The following YEATS2 variants were observed in gnomAD, a reference collection of about 807,000 sequenced individuals.
YEATS2 encodes YEATS domain containing 2.
YEATS2 carries 77 observed loss-of-function variants against 163.2 expected under a neutral mutation model. The ratio of observed to expected loss-of-function variants is 0.47; its 90% CI spans 0.39 to 0.57. YEATS2 has a LOEUF of 0.57. YEATS2 is among the 20% of genes least tolerant of loss of function. The pLI, the probability that YEATS2 is intolerant of heterozygous loss-of-function variation, is 0.00. For missense variants in YEATS2, 1,549 were observed against 1,729.8 expected, an observed-to-expected ratio of 0.90 and a Z score of 1.85; for synonymous variants, 631 against 645.1, an observed-to-expected ratio of 0.98 and a Z score of 0.33.
intron 8 of YEATS2, among the ~76,000 whole-genome samples, chr3:183,737,512 A>C (rs1718468744): frequency 6.6e-6 from 1 of 152,224 alleles, no homozygotes; most frequent in South Asian, 2.1e-4. Flanking sequence ...GAACACATGA[A>C]TCTTTGATCA....
At chr3:183,724,566 A>G in intron 6 of YEATS2, 35 bp downstream of exon 6, 1 of 1,494,792 alleles carries the variant, frequency 6.7e-7, no homozygotes, top group Non-Finnish European at 9.2e-7. Context: ...TTATTTGTCC[A>G]TTTGTGTTAA....
chr3:183,772,207 G>A, intron 15 of YEATS2, 98 bp from the exon 16 acceptor site: 3 of 1,528,450 alleles, frequency 2.0e-6, no homozygotes, highest in Non-Finnish European at 2.7e-6. Context: ...TAGGCTGCAT[G>A]TATTATGTGC....
intron 29 of YEATS2, 32 bp from the exon 30 acceptor site, chr3:183,809,065 C>G (rs1560344865): frequency 9.9e-6 from 16 of 1,611,578 alleles, no homozygotes; most frequent in Non-Finnish European, 1.3e-5. Context: ...AGCAGATGGC[C>G]ATTTGAAGAA....
At chr3:183,803,890 A>G in intron 26 of YEATS2, 97 bp from the exon 27 acceptor site, 1 of 1,296,358 alleles carries the variant, frequency 7.7e-7, no homozygotes, top group Non-Finnish European at 1.1e-6. Context: ...AAATTCTAAC[A>G]GGTTAGGTTA....
At chr3:183,724,073 G>A (rs1404981423) in intron 5 of YEATS2, among the ~76,000 whole-genome samples, 1 of 152,154 alleles carries the variant, frequency 6.6e-6, no homozygotes, top group African/African-American at 2.4e-5. Flanking sequence ...AGGTTAAAAA[G>A]AGGGTAAATT....
In YEATS2 at chr3:183,777,647, G is replaced by T; in HGVS notation, c.2683G>T (p.Gly895Ter). Reference sequence around the variant, plus strand: ...GGGAGTCAGCACATCTTCTGCACAAGGACAACAAACGCTAAAAGTCATCTC... The same window carrying T: ...GGGAGTCAGCACATCTTCTGCACAATGACAACAAACGCTAAAAGTCATCTC... The part of the protein sequence containing the change: ...TLGVSTSSAQ[G>*]QQTLKVISGQ... The change falls in exon 19 of 31, where the codon GGA (glycine) becomes TGA (stop). Residue 895 changes from glycine (G) to a stop codon, truncating the protein, a stop_gained. Coordinates refer to ENST00000305135, the MANE Select transcript of YEATS2 (RefSeq NM_018023.5). LOFTEE classifies it high-confidence loss of function. The T allele has an allele frequency of 6.2e-7, 1 of 1,614,042 alleles. No homozygotes were observed. The highest frequency in any genetic ancestry group is 8.5e-7 in the Non-Finnish European group (1 of 1,180,002).
At chr3:183,749,653 T>C (rs1415959046) in intron 9 of YEATS2, among the ~76,000 whole-genome samples, 2 of 152,176 alleles carry the variant, frequency 1.3e-5, no homozygotes, top group African/African-American at 4.8e-5. Flanking sequence ...TATTTATTTA[T>C]TTTTGAGAAA....
intron 6 of YEATS2, among the ~76,000 whole-genome samples, chr3:183,727,614 G>T (rs1717252864): frequency 6.6e-6 from 1 of 152,208 alleles, no homozygotes; most frequent in Admixed American, 6.5e-5. Flanking sequence ...ACTAGGCATA[G>T]ATGAGCATAT....
intron 6 of YEATS2, among the ~76,000 whole-genome samples, chr3:183,725,788 C>T (rs1375407265): frequency 2.0e-5 from 3 of 152,190 alleles, no homozygotes; most frequent in African/African-American, 4.8e-5. Flanking sequence ...GTGATTGGCA[C>T]GTCCAAAGCT....
At chr3:183,748,574 T>C (rs1236492070) in intron 9 of YEATS2, among the ~76,000 whole-genome samples, 1 of 151,964 alleles carries the variant, frequency 6.6e-6, no homozygotes, top group Non-Finnish European at 1.5e-5. Context: ...CCAGGCTTTC[T>C]CCTTTTCTCT....
intron 8 of YEATS2, among the ~76,000 whole-genome samples, chr3:183,737,845 A>G (rs989436713): frequency 6.6e-6 from 1 of 152,112 alleles, no homozygotes; most frequent in Non-Finnish European, 1.5e-5. Context: ...CACTTTGCTT[A>G]TTGCTCTCAG....
intron 1 of YEATS2, among the ~76,000 whole-genome samples, chr3:183,699,593 A>C (rs1270090645): frequency 6.6e-6 from 1 of 152,010 alleles, no homozygotes; most frequent in African/African-American, 2.4e-5. Flanking sequence ...GATGATATTC[A>C]AAGGTATGGT....
chr3:183,719,206 A>T (rs1258986648), intron 4 of YEATS2, among the ~76,000 whole-genome samples: 1 of 144,608 alleles, frequency 6.9e-6, no homozygotes, highest in Non-Finnish European at 1.5e-5. Flanking sequence ...CTTGTTGCCC[A>T]GGCTAGAGTG....
At chr3:183,702,813 G>A (rs1237582512) in intron 1 of YEATS2, among the ~76,000 whole-genome samples, 7 of 149,476 alleles carry the variant, frequency 4.7e-5, no homozygotes, top group African/African-American at 1.7e-4. Context: ...CATCCTGGGC[G>A]ACAGCAAGAC....
rs879043980 is a variant in YEATS2, at chr3:183,790,991, T to C, written c.3097+11T>C. 5 of 1,608,522 alleles carry C rather than the reference T, an allele frequency of 3.1e-6. No homozygotes were observed. The Admixed American group carries it at 5.1e-5, about 16-fold the overall frequency. ...AAGCCACAGTATCCGGTGAGTTGCATTGTGATATTATTTCTCTCTCTTTTC... is the reference window on the plus strand; with the variant it reads ...AAGCCACAGTATCCGGTGAGTTGCACTGTGATATTATTTCTCTCTCTTTTC... On this transcript the variant is annotated intron_variant, in intron 21 of 30. Coordinates refer to ENST00000305135, the MANE Select transcript of YEATS2 (RefSeq NM_018023.5).
At chr3:183,772,106 A>G (rs1722537211) in intron 15 of YEATS2, among the ~76,000 whole-genome samples, 199 bp from the exon 16 acceptor site, 1 of 152,128 alleles carries the variant, frequency 6.6e-6, no homozygotes. Context: ...GCAAGACAAC[A>G]ATTGTTAAGC....
At chr3:183,777,822 G>A (rs1188724651) in intron 19 of YEATS2, 122 bp downstream of exon 19, 6 of 1,324,346 alleles carry the variant, frequency 4.5e-6, no homozygotes, top group African/African-American at 1.5e-5. Flanking sequence ...GAACAATAAG[G>A]CCAGGAGTGG....
chr3:183,759,732 C>G (rs1027302783), intron 13 of YEATS2, among the ~76,000 whole-genome samples: 15 of 152,204 alleles, frequency 9.9e-5, no homozygotes. Context: ...ACTTAGCGAG[C>G]CCTCAGCTTA....
At chr3:183,771,973 T>A (rs1181487538) in intron 15 of YEATS2, among the ~76,000 whole-genome samples, 1 of 152,064 alleles carries the variant, frequency 6.6e-6, no homozygotes, top group African/African-American at 2.4e-5. Flanking sequence ...ATGCTCCTCC[T>A]GCCTTGGCCT....
Sources: allele counts gnomAD v4.1 joint callset (sites outside exome capture counted in the v4.1 genomes callset), GRCh38; gene constraint gnomAD v4.1.1; transcripts MANE v1.5; gene names NCBI Gene and HGNC (gene_info 2026-07-23, HGNC 2026-07-21).